PTPRG: variants seen among roughly 807,000 people sequenced by gnomAD.
PTPRG encodes the protein receptor-type tyrosine-protein phosphatase gamma.
In PTPRG, 102 loss-of-function variants were observed where a neutral mutation model predicts 165.3. That is an observed-to-expected ratio of 0.62 (90% CI 0.53 to 0.73). PTPRG has a LOEUF of 0.73. Ranked by LOEUF, PTPRG falls within the 30% of genes least tolerant of loss-of-function variation. PTPRG has a pLI of 0.00. For synonymous variants in PTPRG, 675 were observed against 669.5 expected, an observed-to-expected ratio of 1.01 and a Z score of -0.13; for missense variants, 1,866 against 1,861.4, an observed-to-expected ratio of 1.00 and a Z score of -0.05.
intron 8 of PTPRG, among the ~76,000 whole-genome samples, chr3:62,174,044 C>T (rs940895816): frequency 5.9e-5 from 9 of 152,314 alleles, no homozygotes; most frequent in African/African-American, 2.2e-4. Flanking sequence ...CAAGGGACAT[C>T]CGATTTGCCA....
chr3:62,000,930 C>G (rs1437618793), intron 3 of PTPRG, among the ~76,000 whole-genome samples: 1 of 152,198 alleles, frequency 6.6e-6, no homozygotes, highest in Non-Finnish European at 1.5e-5. Context: ...CAGGTAGGCA[C>G]TGCAGTAATT....
At chr3:61,768,712 A>G (rs183849296) in intron 2 of PTPRG, among the ~76,000 whole-genome samples, 2 of 152,310 alleles carry the variant, frequency 1.3e-5, no homozygotes, top group Admixed American at 1.3e-4. Flanking sequence ...CTTGTCCTTC[A>G]CTGTGCACTT....
intron 4 of PTPRG, among the ~76,000 whole-genome samples, chr3:62,016,330 C>T (rs1575891375): frequency 6.6e-6 from 1 of 151,950 alleles, no homozygotes; most frequent in Non-Finnish European, 1.5e-5. Flanking sequence ...CTATGCCCAG[C>T]GAATTTTTTG....
chr3:62,167,675 G>T (rs1240412103), intron 7 of PTPRG, among the ~76,000 whole-genome samples: 11 of 152,146 alleles, frequency 7.2e-5, no homozygotes, highest in Non-Finnish European at 1.3e-4. Context: ...GGGCACTGCA[G>T]AAAGACTGGG....
At chr3:61,738,518 A>C (rs2032850767) in intron 1 of PTPRG, among the ~76,000 whole-genome samples, 1 of 151,002 alleles carries the variant, frequency 6.6e-6, no homozygotes, top group Non-Finnish European at 1.5e-5. Flanking sequence ...TATTCGACTT[A>C]TACAACTGAC....
intron 4 of PTPRG, among the ~76,000 whole-genome samples, chr3:62,033,526 A>G (rs1424180788): frequency 3.2e-5 from 4 of 123,324 alleles, no homozygotes; most frequent in Non-Finnish European, 6.9e-5. Context: ...TACCATGCCT[A>G]TCTTCCCCCC....
chr3:62,078,648 G>A (rs570739188), intron 5 of PTPRG, among the ~76,000 whole-genome samples: 9 of 152,136 alleles, frequency 5.9e-5, no homozygotes, highest in African/African-American at 2.2e-4. Context: ...AATAGCATCC[G>A]TCACTTTTCT....
chr3:61,944,639 A>G (rs1346291521), intron 2 of PTPRG, among the ~76,000 whole-genome samples: 3 of 152,204 alleles, frequency 2.0e-5, no homozygotes, highest in Admixed American at 2.0e-4. Context: ...TCATTAGGGA[A>G]TGACTAGGAT....
chr3:61,856,452 A>G (rs1424377501), intron 2 of PTPRG, among the ~76,000 whole-genome samples: 3 of 152,178 alleles, frequency 2.0e-5, no homozygotes, highest in Non-Finnish European at 1.5e-5. Context: ...AACGAAGCCC[A>G]CAGTTTGCAC....
At chr3:62,008,598 T>C (rs1260623531) in intron 4 of PTPRG, among the ~76,000 whole-genome samples, 1 of 152,200 alleles carries the variant, frequency 6.6e-6, no homozygotes, top group Non-Finnish European at 1.5e-5. Flanking sequence ...TTCAGAATCT[T>C]TCTTAGAAAG....
At chr3:61,742,782 C>G in intron 1 of PTPRG, 1 of 1,611,458 alleles carries the variant, frequency 6.2e-7, no homozygotes, top group East Asian at 2.2e-5. Context: ...AGGCCAAAAA[C>G]GCATCATACT....
chr3:61,921,532 G>A (rs1448079095), intron 2 of PTPRG, among the ~76,000 whole-genome samples: 1 of 152,122 alleles, frequency 6.6e-6, no homozygotes, highest in East Asian at 1.9e-4. Context: ...ATGACTTCAT[G>A]TGACGAGTTG....
Position 62,134,723 on chromosome 3 carries a change from T to G in PTPRG, c.682+2055T>G, listed in dbSNP as rs374576032. Among the ~76,000 whole-genome samples, 4 of 152,350 alleles carry G rather than the reference T, an allele frequency of 2.6e-5. No individual in the cohort carries two copies. The East Asian group carries it at 5.8e-4, about 22-fold the overall frequency. On this transcript the variant is annotated intron_variant, in intron 6 of 29. Transcript: ENST00000474889. ...TATATCAGCTTCTTGGGTATCAGTTTCCTGAGGGCAGAAAACCATGTTGAT... is the reference window on the plus strand; with the variant it reads ...TATATCAGCTTCTTGGGTATCAGTTGCCTGAGGGCAGAAAACCATGTTGAT...
intron 2 of PTPRG, among the ~76,000 whole-genome samples, chr3:61,801,781 C>G (rs1327114986): frequency 6.6e-6 from 1 of 152,080 alleles, no homozygotes; most frequent in Non-Finnish European, 1.5e-5. Context: ...GAAGAACTTT[C>G]TCAGAAGGCC....
At chr3:61,710,775 T>C (rs1285136006) in intron 1 of PTPRG, among the ~76,000 whole-genome samples, 1 of 151,976 alleles carries the variant, frequency 6.6e-6, no homozygotes. Context: ...ACTTTCTTTT[T>C]ATTATTATTA....
chr3:62,209,790 G>A (rs1039178052), intron 12 of PTPRG, among the ~76,000 whole-genome samples: 3 of 152,096 alleles, frequency 2.0e-5, no homozygotes, highest in East Asian at 1.9e-4. Context: ...CCCACTGAAC[G>A]ATCTTTGAAT....
chr3:61,940,650 T>G (rs1257547237), intron 2 of PTPRG, among the ~76,000 whole-genome samples: 1 of 138,586 alleles, frequency 7.2e-6, no homozygotes, highest in Admixed American at 7.5e-5. Context: ...AGTAGATGCT[T>G]TTATTTATTT....
intron 2 of PTPRG, among the ~76,000 whole-genome samples, chr3:61,890,423 G>GTTTTTTTTTTTT (rs11328993): frequency 8.4e-5 from 10 of 119,212 alleles, no homozygotes; most frequent in African/African-American, 2.9e-4. Flanking sequence ...TTTTTTTTTT[G>GTTTTTTTTTTTT]TTTTTTTTTT....
chr3:62,074,446 C>T (rs1163862221), intron 4 of PTPRG, among the ~76,000 whole-genome samples: 2 of 147,634 alleles, frequency 1.4e-5, no homozygotes, highest in South Asian at 2.2e-4. Context: ...GCCTCAACCT[C>T]CTGGGCTCGA....
Sources: allele counts gnomAD v4.1 joint callset (sites outside exome capture counted in the v4.1 genomes callset), GRCh38; gene constraint gnomAD v4.1.1; transcripts MANE v1.5; gene names NCBI Gene and HGNC (gene_info 2026-07-23, HGNC 2026-07-21).